Variants in PRKCE observed in about 807,000 individuals in gnomAD.
PRKCE encodes the protein protein kinase C epsilon, also known as protein kinase C epsilon type.
In PRKCE, 16 loss-of-function variants were observed where a neutral mutation model predicts 85.4. The observed-to-expected ratio is 0.19, with a 90% CI of 0.13 to 0.28. The LOEUF (loss-of-function observed/expected upper bound fraction) is 0.28, where lower values mean the gene tolerates loss of function less well. PRKCE is among the 10% of genes least tolerant of loss of function. The pLI is 1.00. For missense variants in PRKCE, 573 were observed against 975.2 expected, an observed-to-expected ratio of 0.59 and a Z score of 5.49; for synonymous variants, 388 against 371.5, an observed-to-expected ratio of 1.04 and a Z score of -0.51.
chr2:45,661,625 T>A (rs1424015253), intron 1 of PRKCE, among the ~76,000 whole-genome samples: 1 of 143,796 alleles, frequency 7.0e-6, no homozygotes, highest in East Asian at 2.2e-4. Flanking sequence ...GCCTCCCGGG[T>A]TCACACCATT....
At chr2:45,946,248 T>C (rs1310967994) in intron 2 of PRKCE, among the ~76,000 whole-genome samples, 1 of 152,218 alleles carries the variant, frequency 6.6e-6, no homozygotes, top group Non-Finnish European at 1.5e-5. Flanking sequence ...GTTTGTGAGT[T>C]ATGCCCGGTC....
intron 1 of PRKCE, among the ~76,000 whole-genome samples, chr2:45,716,225 A>C (rs1573039758): frequency 6.6e-6 from 1 of 152,196 alleles, no homozygotes; most frequent in Non-Finnish European, 1.5e-5. Flanking sequence ...GCTATAAAGA[A>C]CTGCCCTGGG....
At chr2:45,817,723 G>A (rs1025242582) in intron 1 of PRKCE, among the ~76,000 whole-genome samples, 4 of 152,142 alleles carry the variant, frequency 2.6e-5, no homozygotes, top group African/African-American at 9.7e-5. Context: ...TTCCAATCCT[G>A]AGATTCTGCT....
At chr2:45,868,273 GA>G (rs1458098093) in intron 2 of PRKCE, among the ~76,000 whole-genome samples, 1 of 43,180 alleles carries the variant, frequency 2.3e-5, no homozygotes, top group Non-Finnish European at 3.9e-5. Flanking sequence ...CTTGGGTTAA[GA>G]ACATCTTCCC....
At position 46,086,765 on chromosome 2, in the gene PRKCE, T is replaced by C. The variant is rs1044010949; in HGVS notation, c.1592+403T>C. Among the ~76,000 whole-genome samples the C allele has an allele frequency of 1.6e-4, 24 of 152,178 alleles. 1 individual carries two copies. Among genetic ancestry groups the C allele is most frequent in the Non-Finnish European group, 1.5e-5 (1 of 68,030 alleles). ...AGTCTCTTGCCACTTCCTGAGTTTG[T>C]TTGGCTTAGTTTTCTCCAGCAGATA... On this transcript the variant is annotated intron_variant, in intron 11 of 14. Coordinates refer to ENST00000306156, the MANE Select transcript of PRKCE (RefSeq NM_005400.3).
At chr2:45,835,233 T>C (rs1301372413) in intron 1 of PRKCE, among the ~76,000 whole-genome samples, 1 of 152,252 alleles carries the variant, frequency 6.6e-6, no homozygotes, top group Non-Finnish European at 1.5e-5. Context: ...GAGGAATCCT[T>C]ATGCGAAATA....
intron 10 of PRKCE, among the ~76,000 whole-genome samples, chr2:46,063,718 T>C (rs1167691383): frequency 6.6e-6 from 1 of 152,208 alleles, no homozygotes; most frequent in African/African-American, 2.4e-5. Flanking sequence ...TTACAGTGTT[T>C]TGCTAGACCA....
chr2:46,105,823 A>T (rs1289527484), intron 11 of PRKCE, among the ~76,000 whole-genome samples: 1 of 152,248 alleles, frequency 6.6e-6, no homozygotes, highest in Non-Finnish European at 1.5e-5. Context: ...CTAATACAGT[A>T]TGCAGTACAG....
intron 11 of PRKCE, among the ~76,000 whole-genome samples, chr2:46,118,885 A>C (rs1249168762): frequency 6.6e-6 from 1 of 152,190 alleles, no homozygotes; most frequent in Non-Finnish European, 1.5e-5. Context: ...ACTTCACCCA[A>C]GAGTCTCATT....
At chr2:46,088,497 T>C (rs1209654048) in intron 11 of PRKCE, among the ~76,000 whole-genome samples, 1 of 152,232 alleles carries the variant, frequency 6.6e-6, no homozygotes, top group Non-Finnish European at 1.5e-5. Context: ...GACATCTATA[T>C]GGATCCTTCA....
intron 1 of PRKCE, among the ~76,000 whole-genome samples, chr2:45,762,437 C>T (rs1239181588): frequency 6.6e-6 from 1 of 152,214 alleles, no homozygotes; most frequent in Non-Finnish European, 1.5e-5. Flanking sequence ...ATGGGATGAG[C>T]TGGGTGGCCT....
At chr2:46,177,043 T>C (rs1372877484) in intron 14 of PRKCE, among the ~76,000 whole-genome samples, 2 of 152,214 alleles carry the variant, frequency 1.3e-5, no homozygotes, top group East Asian at 1.9e-4. Context: ...AGTTGCAGAA[T>C]CATGGTGATC....
intron 10 of PRKCE, among the ~76,000 whole-genome samples, chr2:46,079,675 TAAAA>T (rs1668885661): frequency 1.3e-5 from 2 of 152,246 alleles, no homozygotes; most frequent in African/African-American, 4.8e-5. Context: ...GTAAGAGCTA[TAAAA>T]TCTTTGCACG....
chr2:46,011,030 A>C (rs1705626928), intron 10 of PRKCE: 1 of 1,090,440 alleles, frequency 9.2e-7, no homozygotes, highest in South Asian at 2.4e-5. Flanking sequence ...GGTGTCTGGG[A>C]ACCAGAAGGT....
At chr2:46,167,314 A>G (rs750826474) in intron 14 of PRKCE, among the ~76,000 whole-genome samples, 1 of 152,214 alleles carries the variant, frequency 6.6e-6, no homozygotes, top group Non-Finnish European at 1.5e-5. Flanking sequence ...GCTGTGAAGC[A>G]TCAACAAACC....
intron 10 of PRKCE, among the ~76,000 whole-genome samples, chr2:46,065,918 A>G (rs1053690608): frequency 3.9e-5 from 6 of 152,240 alleles, no homozygotes; most frequent in South Asian, 4.1e-4. Context: ...CCTCTTGCCC[A>G]TGGGGCCAGG....
intron 10 of PRKCE, among the ~76,000 whole-genome samples, chr2:46,012,602 A>G (rs1336360930): frequency 2.0e-5 from 3 of 152,130 alleles, no homozygotes; most frequent in African/African-American, 7.2e-5. Context: ...CCACTCTGGC[A>G]AGTTTTCTTT....
intron 1 of PRKCE, among the ~76,000 whole-genome samples, chr2:45,833,795 A>T (rs779289460): frequency 1.3e-5 from 2 of 152,264 alleles, no homozygotes; most frequent in Non-Finnish European, 2.9e-5. Flanking sequence ...CAAAGTGCAG[A>T]TCGGCAGTGG....
At chr2:45,736,830 G>A (rs1682105449) in intron 1 of PRKCE, among the ~76,000 whole-genome samples, 1 of 152,214 alleles carries the variant, frequency 6.6e-6, no homozygotes, top group South Asian at 2.1e-4. Context: ...AGCGACTGTG[G>A]ATTCTGCATC....
Sources: gnomAD v4.1 joint callset for allele counts (sites outside exome capture counted in the v4.1 genomes callset) on GRCh38, gnomAD v4.1.1 for gene constraint, MANE v1.5 for transcripts, NCBI Gene and HGNC (gene_info 2026-07-23, HGNC 2026-07-21) for gene names.